MRPS35: variants seen among roughly 807,000 people sequenced by gnomAD.
MRPS35 encodes the protein small ribosomal subunit protein mS35.
Under a neutral mutation model 32.7 loss-of-function variants are expected in MRPS35, and 29 were observed. The ratio of observed to expected loss-of-function variants is 0.89; its 90% CI spans 0.66 to 1.21. MRPS35 has a LOEUF of 1.21. Among genes scored for constraint, MRPS35 ranks in the 50% most tolerant of loss-of-function variants. The pLI, the probability that MRPS35 is intolerant of heterozygous loss-of-function variation, is 0.00. For synonymous variants in MRPS35, 148 were observed against 139.3 expected (o/e 1.06, Z -0.44); for missense variants, 373 against 383.8 (o/e 0.97, Z 0.23).
At chr12:27,748,194 G>A (rs1255942825) in intron 7 of MRPS35, among the ~76,000 whole-genome samples, 1 of 152,124 alleles carries the variant, frequency 6.6e-6, no homozygotes, top group Non-Finnish European at 1.5e-5. Context: ...TCTCCTCTAC[G>A]GGGATCACAA....
intron 7 of MRPS35, among the ~76,000 whole-genome samples, chr12:27,740,293 G>T (rs1370885912): frequency 1.3e-5 from 2 of 150,528 alleles, no homozygotes; most frequent in Non-Finnish European, 3.0e-5. Flanking sequence ...TTCGAGTCAG[G>T]GTCTTGCTTT....
At position 27,735,515 on chromosome 12, in the gene MRPS35, A is replaced by G. The variant is rs1299696220; in HGVS notation, c.591A>G (p.Arg197=). 6.2e-7 allele frequency: 1 copy of G among 1,612,442 alleles called. No homozygotes were observed. The highest frequency in any genetic ancestry group is 8.5e-7 in the Non-Finnish European group (1 of 1,179,510). Reference sequence around the variant, plus strand: ...AATTAATTAAACTTGTAGGAGAGCGATACTGCAAGACCACAGATGTGCTTA... The same window carrying G: ...AATTAATTAAACTTGTAGGAGAGCGGTACTGCAAGACCACAGATGTGCTTA... ...KKKLIKLVGE[R]YCKTTDVLTI... Residue 197 remains arginine, a synonymous_variant, in exon 6 of 8, where the codon CGA becomes CGG. Transcript: ENST00000081029.
intron 5 of MRPS35, among the ~76,000 whole-genome samples, chr12:27,726,537 C>T (rs968570909): frequency 1.3e-5 from 2 of 152,042 alleles, no homozygotes; most frequent in Non-Finnish European, 2.9e-5. Flanking sequence ...CATGGCACCT[C>T]CATATTTAAC....
At chr12:27,738,572 C>A (rs1261291469) in intron 7 of MRPS35, among the ~76,000 whole-genome samples, 6 of 152,078 alleles carry the variant, frequency 3.9e-5, no homozygotes, top group Admixed American at 6.6e-5. Context: ...GTTTAGGTAA[C>A]TCAAAGTTTG....
chr12:27,734,572 G>C (rs1345066104), intron 5 of MRPS35, among the ~76,000 whole-genome samples: 1 of 152,088 alleles, frequency 6.6e-6, no homozygotes, highest in Non-Finnish European at 1.5e-5. Context: ...TTCATCTCTA[G>C]ATAATACCTT....
At chr12:27,720,781 A>G (rs1037040748) in intron 4 of MRPS35, among the ~76,000 whole-genome samples, 8 of 149,448 alleles carry the variant, frequency 5.4e-5, no homozygotes, top group South Asian at 2.1e-4. Flanking sequence ...ATTTCTAGGT[A>G]TAAACATAGA....
chr12:27,736,103 A>G (rs1225247288), intron 6 of MRPS35, among the ~76,000 whole-genome samples: 1 of 152,218 alleles, frequency 6.6e-6, no homozygotes, highest in Non-Finnish European at 1.5e-5. Flanking sequence ...CTAAATGGCT[A>G]TTTTATTTTT....
intron 3 of MRPS35, among the ~76,000 whole-genome samples, chr12:27,717,610 A>G (rs923398707): frequency 6.6e-6 from 1 of 152,138 alleles, no homozygotes; most frequent in Admixed American, 6.5e-5. Context: ...TGCTGGAGAC[A>G]GGGGTAAATG....
intron 7 of MRPS35, among the ~76,000 whole-genome samples, chr12:27,741,192 A>T (rs562835137): frequency 2.6e-5 from 4 of 152,218 alleles, no homozygotes; most frequent in Non-Finnish European, 4.4e-5. Context: ...AATAATAATT[A>T]AAAAATAAGC....
At chr12:27,730,467 G>A (rs1044650191) in intron 5 of MRPS35, among the ~76,000 whole-genome samples, 1 of 152,020 alleles carries the variant, frequency 6.6e-6, no homozygotes, top group Non-Finnish European at 1.5e-5. Context: ...TTGTTTTTTT[G>A]AGATAGTGTC....
At chr12:27,748,739 C>T (rs970612685) in intron 7 of MRPS35, among the ~76,000 whole-genome samples, 5 of 151,876 alleles carry the variant, frequency 3.3e-5, no homozygotes, top group African/African-American at 9.7e-5. Context: ...GGTGTAATCT[C>T]GGCTCACAGC....
chr12:27,738,266 A>G (rs559645941), intron 7 of MRPS35, among the ~76,000 whole-genome samples: 83 of 152,314 alleles, frequency 5.4e-4, no homozygotes, highest in African/African-American at 1.9e-3. Flanking sequence ...GCCTAAAGGT[A>G]ATTTTACACA....
rs762472748 is a variant in MRPS35 at position 27,716,410 on chromosome 12, A to G, written c.273A>G (p.Val91=). The change falls in exon 3 of 8, where the codon GTA becomes GTG. Residue 91 remains valine, a synonymous_variant. Coordinates refer to ENST00000081029, the MANE Select transcript of MRPS35 (RefSeq NM_021821.4). ...VPLPVRMGYP[V]KKGVPMAKEG... ...TTCCTGTTCGAATGGGTTATCCAGTAAAAAAGGGCGTGCCCATGGCAAAGG... is the reference window on the plus strand; with the variant it reads ...TTCCTGTTCGAATGGGTTATCCAGTGAAAAAGGGCGTGCCCATGGCAAAGG... 4 of 1,613,862 alleles carry G rather than the reference A, an allele frequency of 2.5e-6. No homozygotes were observed. Among genetic ancestry groups the G allele is most frequent in the Non-Finnish European group, 3.4e-6 (4 of 1,179,958 alleles).
At chr12:27,740,776 C>T (rs771293744) in intron 7 of MRPS35, among the ~76,000 whole-genome samples, 4 of 152,154 alleles carry the variant, frequency 2.6e-5, no homozygotes, top group African/African-American at 9.7e-5. Flanking sequence ...GCATAGACAT[C>T]GCAAAGCCTA....
chr12:27,725,399 C>A (rs1418233200), intron 5 of MRPS35, among the ~76,000 whole-genome samples: 1 of 151,934 alleles, frequency 6.6e-6, no homozygotes, highest in South Asian at 2.1e-4. Context: ...TATTATGGAA[C>A]CTTTAGGCTT....
chr12:27,754,483 T>G (rs1181579322), intron 7 of MRPS35, among the ~76,000 whole-genome samples: 4 of 152,020 alleles, frequency 2.6e-5, no homozygotes, highest in African/African-American at 9.7e-5. Context: ...TGCAAAATGT[T>G]GGGCCAGGCG....
At chr12:27,736,582 AAATAT>A (rs1346068224) in intron 6 of MRPS35, among the ~76,000 whole-genome samples, 1 of 152,098 alleles carries the variant, frequency 6.6e-6, no homozygotes, top group Non-Finnish European at 1.5e-5. Context: ...GGACTTAAAT[AAATAT>A]AAGTACAGAA....
In MRPS35 at chr12:27,715,437, C is replaced by G. The variant is rs141835996; in HGVS notation, c.153+617C>G. ...CTACTGCACCTGGCCTCCCAAAGTG[C>G]TGGGATTACAGGCATGAGCCACGGC... On this transcript the variant is annotated intron_variant, in intron 2 of 7. Coordinates refer to ENST00000081029, the MANE Select transcript of MRPS35 (RefSeq NM_021821.4). Among the ~76,000 whole-genome samples the G allele has an allele frequency of 4.0e-3, 604 of 152,284 alleles. 2 individuals carry two copies. The highest frequency in any genetic ancestry group is 0.014 in the African/African-American group (564 of 41,554).
rs996036746 is a variant in MRPS35, at chr12:27,733,018, A to C, written c.523-2429A>C. ...TATATATATATATATATATATATAT[A>C]TATATATATATATATATATATATCC... On this transcript the variant is annotated intron_variant, in intron 5 of 7. Coordinates refer to ENST00000081029, the MANE Select transcript of MRPS35 (RefSeq NM_021821.4). 1.4e-4 allele frequency among the ~76,000 whole-genome samples: 5 copies of C among 36,634 alleles called. No individual in the cohort carries two copies. In the East Asian group the frequency reaches 5.2e-3, roughly 38 times the overall value. 24.0% of individuals were successfully genotyped at this position (36,634 alleles called of 152,430 possible). A position where few individuals can be genotyped will look rare whatever the true frequency, so the allele number is the denominator to read the frequency against.
Sources: allele counts gnomAD v4.1 joint callset (sites outside exome capture counted in the v4.1 genomes callset), GRCh38; gene constraint gnomAD v4.1.1; transcripts MANE v1.5; gene names NCBI Gene and HGNC (gene_info 2026-07-23, HGNC 2026-07-21).